Variants in AFG2A observed in about 807,000 individuals in gnomAD.
AFG2A encodes the protein ATPase family gene 2 protein homolog A.
At chr4:123,205,934 T>C in the AFG2A span, among the ~76,000 whole-genome samples, 1 of 152,174 alleles carries the variant, frequency 6.6e-6, no homozygotes, top group Admixed American at 6.5e-5. Flanking sequence ...GGAAATCAGA[T>C]GTCCTACTTG....
the AFG2A span, among the ~76,000 whole-genome samples, chr4:123,279,968 A>G: frequency 0.015 from 2,338 of 152,300 alleles, 53 homozygotes; most frequent in African/African-American, 0.054. Flanking sequence ...TTTAACTCCA[A>G]TTTCTTTTAA....
chr4:123,151,783 A>G, the AFG2A span, among the ~76,000 whole-genome samples: 1 of 152,230 alleles, frequency 6.6e-6, no homozygotes, highest in Non-Finnish European at 1.5e-5. Context: ...TACTGGGTAT[A>G]TACCCAAATG....
chr4:123,234,914 T>C, the AFG2A span, among the ~76,000 whole-genome samples: 1 of 152,150 alleles, frequency 6.6e-6, no homozygotes, highest in African/African-American at 2.4e-5. Flanking sequence ...CTAATAATAG[T>C]ACCTCGCCTT....
chr4:122,979,430 ACTCTG>A, the AFG2A span: 1 of 1,571,900 alleles, frequency 6.4e-7, no homozygotes, highest in Non-Finnish European at 8.6e-7. Flanking sequence ...TTTGAATTAA[ACTCTG>A]AAAAAAATTT....
chr4:123,044,618 G>C, the AFG2A span, among the ~76,000 whole-genome samples: 1 of 152,138 alleles, frequency 6.6e-6, no homozygotes. Flanking sequence ...GTTTTAACAA[G>C]TTAGTATGAA....
At chr4:123,227,375 G>A in the AFG2A span, among the ~76,000 whole-genome samples, 4 of 152,056 alleles carry the variant, frequency 2.6e-5, no homozygotes, top group Admixed American at 2.0e-4. Context: ...TCTACACACT[G>A]CTTTGAATGT....
chr4:123,299,652 T>A, the AFG2A span, among the ~76,000 whole-genome samples: 1 of 152,278 alleles, frequency 6.6e-6, no homozygotes, highest in East Asian at 1.9e-4. Context: ...CCAATGATAC[T>A]TTGTTTGTTT....
the AFG2A span, among the ~76,000 whole-genome samples, chr4:123,233,494 T>C: frequency 1.3e-5 from 2 of 151,996 alleles, no homozygotes; most frequent in African/African-American, 4.8e-5. Flanking sequence ...TATATTGAAA[T>C]TTAAGGTGGA....
the AFG2A span, among the ~76,000 whole-genome samples, chr4:123,300,583 T>C: frequency 6.6e-6 from 1 of 152,142 alleles, no homozygotes; most frequent in Non-Finnish European, 1.5e-5. Context: ...ATAGTGTTGT[T>C]ATCAAACATC....
chr4:123,101,772 GA>G, the AFG2A span, among the ~76,000 whole-genome samples: 2 of 151,860 alleles, frequency 1.3e-5, no homozygotes, highest in Admixed American at 6.6e-5. Flanking sequence ...TGTAGCTGAG[GA>G]AATGGGTCTG....
chr4:123,282,387 T>C, the AFG2A span, among the ~76,000 whole-genome samples: 903 of 152,298 alleles, frequency 5.9e-3, 9 homozygotes, highest in African/African-American at 0.021. Flanking sequence ...CTCTAGTGGA[T>C]ACAGTATGCT....
At chr4:122,946,885 A>G in the AFG2A span, among the ~76,000 whole-genome samples, 1 of 152,082 alleles carries the variant, frequency 6.6e-6, no homozygotes, top group Non-Finnish European at 1.5e-5. Context: ...AATTAAAACA[A>G]TTATATGGTA....
At chr4:123,086,618 C>A in the AFG2A span, among the ~76,000 whole-genome samples, 1 of 152,008 alleles carries the variant, frequency 6.6e-6, no homozygotes, top group Non-Finnish European at 1.5e-5. Context: ...CTTCTTTCTT[C>A]TTTTGGTGTT....
the AFG2A span, among the ~76,000 whole-genome samples, chr4:123,091,264 C>T: frequency 2.0e-5 from 3 of 152,214 alleles, 1 homozygote; most frequent in South Asian, 6.2e-4. Context: ...TTGGTCATTC[C>T]AAGACCACCC....
the AFG2A span, among the ~76,000 whole-genome samples, chr4:122,956,370 C>T: frequency 0.013 from 1,916 of 152,246 alleles, 51 homozygotes; most frequent in African/African-American, 0.044. Flanking sequence ...GGCCTCAGAG[C>T]GAGTATCCAG....
the AFG2A span, among the ~76,000 whole-genome samples, chr4:123,072,551 A>G: frequency 6.6e-6 from 1 of 152,224 alleles, no homozygotes; most frequent in African/African-American, 2.4e-5. Flanking sequence ...AGCCCAAAAA[A>G]GTGAGCAAGA....
the AFG2A span, among the ~76,000 whole-genome samples, chr4:123,299,248 T>C: frequency 1.3e-5 from 2 of 152,190 alleles, no homozygotes; most frequent in Non-Finnish European, 2.9e-5. Flanking sequence ...TAAGAATTTC[T>C]ACTGGCTCTC....
At chr4:123,082,343 C>T in the AFG2A span, among the ~76,000 whole-genome samples, 1 of 151,968 alleles carries the variant, frequency 6.6e-6, no homozygotes, top group African/African-American at 2.4e-5. Context: ...ATTTTTTTTG[C>T]ATGTGGATGT....
chr4:123,015,250 C>A, the AFG2A span, among the ~76,000 whole-genome samples: 6 of 143,724 alleles, frequency 4.2e-5, no homozygotes, highest in East Asian at 1.0e-3. Flanking sequence ...TTGGCAGGGT[C>A]ATAGGACAAT....
Sources: allele counts gnomAD v4.1 joint callset (sites outside exome capture counted in the v4.1 genomes callset), GRCh38; gene constraint gnomAD v4.1.1; transcripts MANE v1.5; gene names NCBI Gene and HGNC (gene_info 2026-07-23, HGNC 2026-07-21).